SNURF: variants seen among roughly 807,000 people sequenced by gnomAD.
SNURF encodes SNURF protein.
Under a neutral mutation model 11.6 loss-of-function variants are expected in SNURF, and 6 were observed. That is an observed-to-expected ratio of 0.52 (90% CI 0.28 to 1.02). The LOEUF (loss-of-function observed/expected upper bound fraction) is 1.02, where lower values mean the gene tolerates loss of function less well. Ranked by LOEUF, SNURF falls within the 50% of genes least tolerant of loss-of-function variation. The pLI is 0.09. For synonymous variants in SNURF, 29 were observed against 31.6 expected, an observed-to-expected ratio of 0.92 and a Z score of 0.27; for missense variants, 84 against 88.4, an observed-to-expected ratio of 0.95 and a Z score of 0.20.
intron 5 of SNURF, chr15:24,976,454 C>T (rs760111757): frequency 7.6e-7 from 1 of 1,310,968 alleles, no homozygotes; most frequent in Non-Finnish European, 1.1e-6. Flanking sequence ...CTTTAATTTG[C>T]AGGGACATCA....
chr15:24,968,987 A>G (rs1447953055), downstream of SNURF, among the ~76,000 whole-genome samples: 2 of 137,044 alleles, frequency 1.5e-5, no homozygotes, highest in Admixed American at 7.2e-5. Context: ...AGAGTTTACT[A>G]TTTACTTTTT....
intron 1 of SNURF, among the ~76,000 whole-genome samples, chr15:24,961,805 C>T (rs1269113218): frequency 6.6e-6 from 1 of 152,038 alleles, no homozygotes; most frequent in African/African-American, 2.4e-5. Flanking sequence ...TATGTATCTA[C>T]ATCTGCATAA....
At chr15:24,972,431 G>C (rs978930219), downstream of SNURF, among the ~76,000 whole-genome samples, 2 of 151,654 alleles carry the variant, frequency 1.3e-5, no homozygotes, top group African/African-American at 4.8e-5. Flanking sequence ...GTCTTTGTTT[G>C]CTTATTTGAA....
chr15:24,965,714 C>T (rs747066178), intron 2 of SNURF, among the ~76,000 whole-genome samples: 1 of 152,154 alleles, frequency 6.6e-6, no homozygotes, highest in Non-Finnish European at 1.5e-5. Context: ...CTAAGCTTCA[C>T]ATGTCTTTTC....
At chr15:24,967,110 C>A (rs2075753676) in intron 2 of SNURF, 1 of 152,196 alleles carries the variant, frequency 6.6e-6, no homozygotes, top group Non-Finnish European at 1.5e-5. Context: ...TCCCTCCCCT[C>A]ACCCCTGGGG....
chr15:24,973,728 A>G (rs1026963292), downstream of SNURF, among the ~76,000 whole-genome samples: 4 of 152,128 alleles, frequency 2.6e-5, no homozygotes, highest in Non-Finnish European at 5.9e-5. Flanking sequence ...TTTGTCCTTC[A>G]TTACTTGATC....
chr15:24,977,684 T>G, intron 6 of SNURF: 2 of 1,231,850 alleles, frequency 1.6e-6, no homozygotes, highest in Non-Finnish European at 2.2e-6. Flanking sequence ...AACAGTTGTT[T>G]GTAACTAATT....
At chr15:24,969,092 CAGTT>C (rs1237078308), downstream of SNURF, among the ~76,000 whole-genome samples, 1 of 151,950 alleles carries the variant, frequency 6.6e-6, no homozygotes, top group South Asian at 2.1e-4. Context: ...CAACTTGAAT[CAGTT>C]AGGCTTGTTT....
At chr15:24,956,356 G>GGGGT (rs975599510) in intron 1 of SNURF, among the ~76,000 whole-genome samples, 21 of 149,642 alleles carry the variant, frequency 1.4e-4, no homozygotes, top group Non-Finnish European at 1.0e-4. Flanking sequence ...CGCTTCAGCG[G>GGGGT]GGGGGTGGCC....
At chr15:24,964,779 A>G (rs1026355674) in intron 2 of SNURF, among the ~76,000 whole-genome samples, 4 of 152,112 alleles carry the variant, frequency 2.6e-5, no homozygotes, top group South Asian at 4.1e-4. Flanking sequence ...TTTTTTTCCT[A>G]TGTAACCTCA....
chr15:24,975,880 G>A (rs1485641705), intron 4 of SNURF, among the ~76,000 whole-genome samples: 1 of 152,040 alleles, frequency 6.6e-6, no homozygotes, highest in African/African-American at 2.4e-5. Flanking sequence ...TGAGGAGTTG[G>A]GATATGGTTG....
At chr15:24,977,841 G>T (rs1410270468) in exon 7 of SNURF, 1 of 1,613,536 alleles carries the variant, frequency 6.2e-7, no homozygotes, top group African/African-American at 1.3e-5. Context: ...TGCCAGTATT[G>T]CTGGAGCCCC....
chr15:24,978,052 C>T, downstream of SNURF: 2 of 1,185,480 alleles, frequency 1.7e-6, no homozygotes, highest in South Asian at 1.5e-5. Context: ...TAATGAAAGA[C>T]ATAGAAGAGT....
intron 3 of SNURF, chr15:24,974,444 A>T (rs368498622): frequency 1.2e-6 from 2 of 1,613,694 alleles, no homozygotes. Context: ...GATTTGGTGG[A>T]ACAGCAATCA....
chr15:24,970,794 C>G (rs538634689), downstream of SNURF, among the ~76,000 whole-genome samples: 12 of 152,250 alleles, frequency 7.9e-5, no homozygotes. Flanking sequence ...CAGTACCACC[C>G]TTTGTATTCT....
chr15:24,976,448 A>C, intron 5 of SNURF: 1 of 1,374,508 alleles, frequency 7.3e-7, no homozygotes, highest in African/African-American at 1.4e-5. Flanking sequence ...ACAGAACTTT[A>C]ATTTGCAGGG....
chr15:24,978,338 T>A (rs772333491), downstream of SNURF: 41 of 1,613,786 alleles, frequency 2.5e-5, no homozygotes, highest in Non-Finnish European at 3.4e-5. Context: ...AGCATAGGGG[T>A]TTGATGGTTC....
At chr15:24,975,504 G>T in exon 4 of SNURF, 1 of 1,613,342 alleles carries the variant, frequency 6.2e-7, no homozygotes, top group Non-Finnish European at 8.5e-7. Context: ...AGTTCAGAAA[G>T]ATCAAGTAAG....
chr15:24,961,189 A>G (rs931314505), intron 1 of SNURF, among the ~76,000 whole-genome samples: 3 of 152,216 alleles, frequency 2.0e-5, no homozygotes, highest in African/African-American at 7.2e-5. Context: ...AAATTTTACC[A>G]TTTAGAAATC....
Sources: gnomAD v4.1 joint callset for allele counts (sites outside exome capture counted in the v4.1 genomes callset) on GRCh38, gnomAD v4.1.1 for gene constraint, MANE v1.5 for transcripts, NCBI Gene and HGNC (gene_info 2026-07-23, HGNC 2026-07-21) for gene names.